Variants in GALNTL6 observed in about 807,000 individuals in gnomAD.
The protein encoded by GALNTL6 is polypeptide N-acetylgalactosaminyltransferase like 6.
GALNTL6 carries 46 observed loss-of-function variants against 73.7 expected under a neutral mutation model. The observed-to-expected ratio is 0.62, with a 90% confidence interval of 0.49 to 0.80. The LOEUF (loss-of-function observed/expected upper bound fraction) is 0.80, where lower values mean the gene tolerates loss of function less well. Among genes scored for constraint, GALNTL6 ranks in the 30% least tolerant of loss-of-function variants. The pLI is 0.00. For missense variants in GALNTL6, 604 were observed against 755.0 expected (o/e 0.80, Z 2.34); for synonymous variants, 259 against 263.7 (o/e 0.98, Z 0.17).
chr4:171,984,828 T>C (rs1740017247), intron 2 of GALNTL6, among the ~76,000 whole-genome samples: 1 of 152,110 alleles, frequency 6.6e-6, no homozygotes, highest in Admixed American at 6.5e-5. Flanking sequence ...ATATCAGCCA[T>C]GGGAAGTGAC....
At chr4:172,211,401 A>G (rs775882186) in intron 2 of GALNTL6, among the ~76,000 whole-genome samples, 34 of 152,226 alleles carry the variant, frequency 2.2e-4, no homozygotes, top group Non-Finnish European at 4.6e-4. Flanking sequence ...TAAGTTAAAC[A>G]TGAGTTCATA....
intron 5 of GALNTL6, among the ~76,000 whole-genome samples, chr4:172,469,286 A>T (rs530376306): frequency 6.6e-6 from 1 of 152,268 alleles, no homozygotes; most frequent in South Asian, 2.1e-4. Flanking sequence ...CGCTGCCTTA[A>T]CAAACATAAC....
At chr4:172,989,420 T>C (rs1257555631) in intron 10 of GALNTL6, among the ~76,000 whole-genome samples, 1 of 152,100 alleles carries the variant, frequency 6.6e-6, no homozygotes, top group East Asian at 1.9e-4. Context: ...AAAGAGGTGA[T>C]TATATTTTGC....
rs572132453 is a variant in GALNTL6 at position 172,630,883 on chromosome 4, A to G, written c.554-178478A>G. 2.6e-5 allele frequency among the ~76,000 whole-genome samples: 4 copies of G among 151,422 alleles called. No homozygotes were observed. In the East Asian group the frequency reaches 7.9e-4, roughly 30 times the overall value. On this transcript the variant is annotated intron_variant, in intron 5 of 12. Coordinates refer to ENST00000506823, the MANE Select transcript of GALNTL6 (RefSeq NM_001034845.3). ...CATATATATATACTGCATAGAAAAT[A>G]TAACTGATATTTGAGTAAGTATGTA... is the stretch of plus-strand genomic sequence containing the variant.
intron 10 of GALNTL6, among the ~76,000 whole-genome samples, chr4:172,961,818 C>A (rs1446518542): frequency 6.6e-6 from 1 of 152,158 alleles, no homozygotes; most frequent in Admixed American, 6.5e-5. Context: ...GTAGGTGGAT[C>A]TTTCTCATGG....
At chr4:172,277,906 T>C (rs1450746923) in intron 3 of GALNTL6, among the ~76,000 whole-genome samples, 1 of 152,200 alleles carries the variant, frequency 6.6e-6, no homozygotes, top group Non-Finnish European at 1.5e-5. Flanking sequence ...ATGGGATATA[T>C]GTACATAATT....
chr4:172,344,583 C>T (rs538201008), intron 4 of GALNTL6, among the ~76,000 whole-genome samples: 64 of 152,262 alleles, frequency 4.2e-4, no homozygotes, highest in Non-Finnish European at 3.2e-4. Flanking sequence ...AAACACGATC[C>T]GGTCTTGTGA....
At chr4:172,577,000 A>G (rs1389010508) in intron 5 of GALNTL6, among the ~76,000 whole-genome samples, 3 of 152,114 alleles carry the variant, frequency 2.0e-5, no homozygotes, top group Non-Finnish European at 2.9e-5. Context: ...CAGACACTGG[A>G]GTTCATCCTG....
In GALNTL6 at chr4:172,659,524, C is replaced by T. The variant is rs572593864; in HGVS notation, c.554-149837C>T. On this transcript the variant is annotated intron_variant, in intron 5 of 12. Transcript: ENST00000506823. Reference sequence around the variant, plus strand: ...TTCTTTAAGCAGCCCCTCTTTATTCCCCCATCCCCTCACCCCTTCTCAGCC... The same window carrying T: ...TTCTTTAAGCAGCCCCTCTTTATTCTCCCATCCCCTCACCCCTTCTCAGCC... Among the ~76,000 whole-genome samples, 4 of 151,770 alleles carry T rather than the reference C, an allele frequency of 2.6e-5. No individual in the cohort carries two copies. The South Asian group carries it at 8.4e-4, about 32-fold the overall frequency.
intron 2 of GALNTL6, among the ~76,000 whole-genome samples, chr4:171,923,786 C>CTGTGTG (rs563244976): frequency 0.074 from 9,791 of 133,180 alleles, 442 homozygotes; most frequent in East Asian, 0.13. Context: ...AAAAGTATTG[C>CTGTGTG]TGTGTGTGTG....
At chr4:172,439,997 A>C (rs1271723500) in intron 5 of GALNTL6, among the ~76,000 whole-genome samples, 2 of 152,092 alleles carry the variant, frequency 1.3e-5, no homozygotes, top group Non-Finnish European at 2.9e-5. Context: ...GAACACTGAC[A>C]ACACCAAATG....
chr4:172,374,370 G>A (rs991080141), intron 5 of GALNTL6, among the ~76,000 whole-genome samples: 9 of 152,076 alleles, frequency 5.9e-5, no homozygotes, highest in African/African-American at 1.9e-4. Flanking sequence ...TTTTGTTCAG[G>A]GCCCAGGGCT....
intron 10 of GALNTL6, among the ~76,000 whole-genome samples, chr4:173,008,076 A>G (rs759219019): frequency 2.8e-4 from 42 of 152,246 alleles, no homozygotes; most frequent in Non-Finnish European, 4.8e-4. Context: ...CTAGAGTGAC[A>G]TTTAATTTAT....
chr4:172,289,438 C>G (rs1174042304), intron 3 of GALNTL6, among the ~76,000 whole-genome samples: 1 of 152,150 alleles, frequency 6.6e-6, no homozygotes, highest in Non-Finnish European at 1.5e-5. Flanking sequence ...TTCATGTTAT[C>G]TGGTAATTAT....
At chr4:172,529,469 G>C (rs13102075) in intron 5 of GALNTL6, among the ~76,000 whole-genome samples, 22,596 of 151,912 alleles carry the variant, frequency 0.15, 1,941 homozygotes, top group Non-Finnish European at 0.21. Context: ...TTTAATAAAT[G>C]AGGTGGGTGT....
chr4:172,210,006 C>A lies in GALNTL6; in HGVS notation c.139-19650C>A, dbSNP rs539911455. ...ATTTACTTAACAGTTATTAATTATG[C>A]TAATGCATATCATAGTAAAGAATGA... On this transcript the variant is annotated intron_variant, in intron 2 of 12. Transcript: ENST00000506823. 1.9e-3 allele frequency among the ~76,000 whole-genome samples: 289 copies of A among 152,032 alleles called. 1 individual carries two copies. Among genetic ancestry groups the A allele is most frequent in the African/African-American group, 6.6e-3 (276 of 41,524 alleles).
At chr4:172,214,919 A>G (rs1736449054) in intron 2 of GALNTL6, among the ~76,000 whole-genome samples, 1 of 151,964 alleles carries the variant, frequency 6.6e-6, no homozygotes, top group South Asian at 2.1e-4. Flanking sequence ...TTCTTTTCTA[A>G]TGTATGCATT....
At chr4:172,112,059 A>G (rs1732866889) in intron 2 of GALNTL6, among the ~76,000 whole-genome samples, 1 of 152,050 alleles carries the variant, frequency 6.6e-6, no homozygotes, top group African/African-American at 2.4e-5. Context: ...TTTGCCATCC[A>G]TTCATCCTCC....
chr4:172,359,648 C>G (rs1365508639), intron 5 of GALNTL6, among the ~76,000 whole-genome samples: 1 of 152,148 alleles, frequency 6.6e-6, no homozygotes, highest in Non-Finnish European at 1.5e-5. Flanking sequence ...AAAACTGGGA[C>G]TTTCCCCACC....
Sources: gnomAD v4.1 joint callset for allele counts (sites outside exome capture counted in the v4.1 genomes callset) on GRCh38, gnomAD v4.1.1 for gene constraint, MANE v1.5 for transcripts, NCBI Gene and HGNC (gene_info 2026-07-23, HGNC 2026-07-21) for gene names.